SLC1A2: variants seen among roughly 807,000 people sequenced by gnomAD.
The protein encoded by SLC1A2 is solute carrier family 1 member 2.
A neutral mutation model predicts 48.8 loss-of-function variants in SLC1A2; 15 were observed. That is an observed-to-expected ratio of 0.31 (90% CI 0.21 to 0.47). The LOEUF (loss-of-function observed/expected upper bound fraction) is 0.47, where lower values mean the gene tolerates loss of function less well. Ranked by LOEUF, SLC1A2 falls within the 20% of genes least tolerant of loss-of-function variation. The probability of loss-of-function intolerance (pLI) is 0.99; values close to 1 mark genes in which losing one functional copy is unlikely to be tolerated. For missense variants in SLC1A2, 502 were observed against 730.5 expected (o/e 0.69, Z 3.61); for synonymous variants, 279 against 272.6 (o/e 1.02, Z -0.23).
rs1160421981 is a variant in SLC1A2, at chr11:35,346,782, A to AG, written c.18-29267dup. Among the ~76,000 whole-genome samples the AG allele has an allele frequency of 5.9e-5, 9 of 152,388 alleles. No homozygotes were observed. In the South Asian group the frequency reaches 1.4e-3, roughly 25 times the overall value. ...AAATGACAGTGAAGCGGAGACTCATAGGATGGATATGACAGACCAAACAGA... is the reference window on the plus strand; with the variant it reads ...AAATGACAGTGAAGCGGAGACTCATAGGGATGGATATGACAGACCAAACAGA... On this transcript the variant is annotated intron_variant, in intron 1 of 10. Transcript: ENST00000278379.
At position 35,312,339 on chromosome 11, in the gene SLC1A2, C is replaced by G; in HGVS notation, c.420G>C (p.Leu140Phe). The change falls in exon 4 of 11, where the codon TTG (leucine) becomes TTC (phenylalanine). Residue 140 changes from leucine (L) to phenylalanine (F), a missense_variant. Physicochemically the swap from Leu to Phe is conservative, Grantham distance 22. Coordinates refer to ENST00000278379, the MANE Select transcript of SLC1A2 (RefSeq NM_004171.4). ...IAAVLGVILV[L>F]AIHPGNPKLK... ...GCTTGGGATTGCCTGGATGGATAGC[C>G]AAGACCAGAATGACCCCCAGTACTG... The G allele has an allele frequency of 1.2e-6, 2 of 1,614,136 alleles. No individual in the cohort carries two copies. Among genetic ancestry groups the G allele is most frequent in the Non-Finnish European group, 1.7e-6 (2 of 1,180,014 alleles).
At chr11:35,327,464 G>A (rs1346426219) in intron 1 of SLC1A2, among the ~76,000 whole-genome samples, 2 of 152,174 alleles carry the variant, frequency 1.3e-5, no homozygotes, top group Non-Finnish European at 2.9e-5. Context: ...AGGTAGTCCA[G>A]GTTATAACAG....
At chr11:35,399,608 G>A (rs546570332) in intron 1 of SLC1A2, 138 of 984,236 alleles carry the variant, frequency 1.4e-4, no homozygotes, top group Admixed American at 6.8e-4. Flanking sequence ...TAGATGATGC[G>A]TTTTCCATTT....
At position 35,280,955 on chromosome 11, in the gene SLC1A2, C is replaced by A; in HGVS notation, c.1333G>T (p.Ala445Ser). Residue 445 changes from alanine (A) to serine (S), a missense_variant, in exon 9 of 11, where the codon GCC becomes TCC. Ala to Ser is a moderately conservative substitution (Grantham distance 99, BLOSUM62 1). This residue lies in a region of SLC1A2 where 309 missense variants were observed against 480.3 expected (regional missense o/e 0.64). Coordinates refer to ENST00000278379, the MANE Select transcript of SLC1A2 (RefSeq NM_004171.4). ...ASVGAASIPS[A>S]GLVTMLLILT... ...ATGAGGAGCATGGTGACCAGCCCGG[C>A]ACTGGGGATACTGGCCGCGCCGACG... The A allele has an allele frequency of 6.2e-7, 1 of 1,612,584 alleles. No homozygotes were observed. Among genetic ancestry groups the A allele is most frequent in the Non-Finnish European group, 8.5e-7 (1 of 1,179,534 alleles).
intron 9 of SLC1A2, among the ~76,000 whole-genome samples, chr11:35,272,595 G>T (rs1193566263): frequency 6.6e-6 from 1 of 152,242 alleles, no homozygotes; most frequent in Non-Finnish European, 1.5e-5. Flanking sequence ...TGTGGTTCAT[G>T]TGTGGAAAGT....
chr11:35,347,766 T>C (rs1853094579), intron 1 of SLC1A2, among the ~76,000 whole-genome samples: 1 of 152,178 alleles, frequency 6.6e-6, no homozygotes, highest in Non-Finnish European at 1.5e-5. Flanking sequence ...ACAGATGAAG[T>C]CTTGCCATGT....
chr11:35,287,098 C>G, intron 7 of SLC1A2, 147 bp from the exon 8 acceptor site: 1 of 666,828 alleles, frequency 1.5e-6, no homozygotes, highest in South Asian at 1.9e-5. Context: ...GTATCTGGAG[C>G]CAGATTAAAA....
Position 35,257,063 on chromosome 11 carries a change from A to T in SLC1A2, c.*3831T>A, listed in dbSNP as rs1451990838. 1 of 152,230 alleles carries T rather than the reference A, an allele frequency of 6.6e-6. No individual in the cohort carries two copies. The highest frequency in any genetic ancestry group is 1.5e-5 in the Non-Finnish European group (1 of 68,050). 9.4% of individuals were successfully genotyped at this position (152,230 alleles called of 1,614,324 possible). A position where few individuals can be genotyped will look rare whatever the true frequency, so the allele number is the denominator to read the frequency against. On this transcript the variant is annotated 3_prime_UTR_variant, in exon 11 of 11. Transcript: ENST00000278379. Reference sequence around the variant, plus strand: ...AAAGGGACGTGTAGTATTTGCAAAAACATGGCAGAATTGGGTTTCCTTTGG... The same window carrying T: ...AAAGGGACGTGTAGTATTTGCAAAATCATGGCAGAATTGGGTTTCCTTTGG...
intron 1 of SLC1A2, among the ~76,000 whole-genome samples, chr11:35,326,567 C>T (rs1255462798): frequency 6.6e-6 from 1 of 152,210 alleles, no homozygotes; most frequent in Non-Finnish European, 1.5e-5. Context: ...TTTACAACTG[C>T]TTTTCTTCAG....
rs189120303 is a variant in SLC1A2 at position 35,349,496 on chromosome 11, C to G, written c.18-31980G>C. On this transcript the variant is annotated intron_variant, in intron 1 of 10. Coordinates refer to ENST00000278379, the MANE Select transcript of SLC1A2 (RefSeq NM_004171.4). ...CCCTGTGGTACTGTCTTCCTCATCT[C>G]AGACCCACTTCCTCTGCCTTTTACT... is the stretch of plus-strand genomic sequence containing the variant. 3.9e-3 allele frequency among the ~76,000 whole-genome samples: 600 copies of G among 152,248 alleles called. 5 individuals are homozygous for G. The highest frequency in any genetic ancestry group is 7.9e-3 in the Admixed American group (121 of 15,290).
At chr11:35,268,009 C>G (rs1850150923) in intron 9 of SLC1A2, among the ~76,000 whole-genome samples, 2 of 152,198 alleles carry the variant, frequency 1.3e-5, no homozygotes, top group Admixed American at 6.5e-5. Flanking sequence ...CCCTCTTTTC[C>G]CTCCAGTCTG....
chr11:35,314,341 A>G (rs1256244617), intron 3 of SLC1A2, among the ~76,000 whole-genome samples: 1 of 152,230 alleles, frequency 6.6e-6, no homozygotes, highest in Non-Finnish European at 1.5e-5. Context: ...CAATTAAAAT[A>G]GTAGATAATT....
Position 35,292,394 on chromosome 11 carries a change from C to T in SLC1A2, c.984G>A (p.Gly328=). ...VTVIIGLIIH[G]GIFLPLIYFV... ...AGTAAATCAAGGGGAGAAAGATGCC[C>T]CCGTGGATGATGAGGCCTATGATCA... Residue 328 remains glycine, a synonymous_variant, in exon 7 of 11, where the codon GGG becomes GGA. Coordinates refer to ENST00000278379, the MANE Select transcript of SLC1A2 (RefSeq NM_004171.4). The T allele has an allele frequency of 6.2e-7, 1 of 1,613,894 alleles. No individual in the cohort carries two copies. Among genetic ancestry groups the T allele is most frequent in the Non-Finnish European group, 8.5e-7 (1 of 1,179,838 alleles).
chr11:35,389,320 C>T (rs1473042438), intron 1 of SLC1A2, among the ~76,000 whole-genome samples: 1 of 152,144 alleles, frequency 6.6e-6, no homozygotes, highest in Admixed American at 6.5e-5. Flanking sequence ...GTAGAGAGCC[C>T]AGCAGGTGAG....
chr11:35,396,015 T>G (rs1218116299), intron 1 of SLC1A2, among the ~76,000 whole-genome samples: 2 of 148,304 alleles, frequency 1.3e-5, no homozygotes, highest in Non-Finnish European at 1.5e-5. Context: ...CTCATCATTT[T>G]TTATGGCTGC....
chr11:35,360,799 A>T (rs1020284869), intron 1 of SLC1A2, among the ~76,000 whole-genome samples: 1 of 152,204 alleles, frequency 6.6e-6, no homozygotes, highest in African/African-American at 2.4e-5. Flanking sequence ...TCCATAAACC[A>T]TAACACCATT....
chr11:35,342,906 C>T (rs1381187394), intron 1 of SLC1A2, among the ~76,000 whole-genome samples: 2 of 152,228 alleles, frequency 1.3e-5, no homozygotes, highest in African/African-American at 2.4e-5. Flanking sequence ...ATCCCATTCA[C>T]ACTCAAGTTC....
chr11:35,354,620 A>C (rs1190862479), intron 1 of SLC1A2, among the ~76,000 whole-genome samples: 1 of 152,070 alleles, frequency 6.6e-6, no homozygotes, highest in Non-Finnish European at 1.5e-5. Flanking sequence ...TTTTGCTGCA[A>C]ATCACCCCCC....
At chr11:35,376,803 C>T (rs1442410759) in intron 1 of SLC1A2, among the ~76,000 whole-genome samples, 1 of 152,192 alleles carries the variant, frequency 6.6e-6, no homozygotes, top group Non-Finnish European at 1.5e-5. Context: ...CTTCCACATG[C>T]TTCAAGATAT....
Sources: allele counts gnomAD v4.1 joint callset (sites outside exome capture counted in the v4.1 genomes callset), GRCh38; gene constraint gnomAD v4.1.1; regional missense constraint gnomAD v4.1.1; transcripts MANE v1.5; gene names NCBI Gene and HGNC (gene_info 2026-07-23, HGNC 2026-07-21).